Variants in TMPRSS11A observed in about 807,000 individuals in gnomAD.
TMPRSS11A encodes the protein transmembrane protease serine 11A.
A neutral mutation model predicts 58.9 loss-of-function variants in TMPRSS11A; 53 were observed. That is an observed-to-expected ratio of 0.90 (90% confidence interval 0.72 to 1.13). The LOEUF is 1.13. Ranked by LOEUF, TMPRSS11A falls within the 50% of genes most tolerant of loss-of-function variation. The pLI, the probability that TMPRSS11A is intolerant of heterozygous loss-of-function variation, is 0.00. For missense variants in TMPRSS11A, 493 were observed against 499.3 expected, an observed-to-expected ratio of 0.99 and a Z score of 0.12; for synonymous variants, 167 against 169.8, an observed-to-expected ratio of 0.98 and a Z score of 0.13.
In TMPRSS11A at chr4:67,944,511, T is replaced by C. The variant is rs1720953892; in HGVS notation, c.252+8A>G. Reference sequence around the variant, plus strand: ...ATTCTATGATAAAAAGAAGTTTACCTGACTCACCAAATTTTCGGTCGTCTC... The same window carrying C: ...ATTCTATGATAAAAAGAAGTTTACCCGACTCACCAAATTTTCGGTCGTCTC... On this transcript the variant is annotated splice_region_variant and intron_variant, in intron 3 of 9. Coordinates refer to ENST00000508048, the MANE Select transcript of TMPRSS11A (RefSeq NM_001114387.2). The C allele has an allele frequency of 6.2e-7, 1 of 1,606,964 alleles. No homozygotes were observed. The highest frequency in any genetic ancestry group is 1.7e-5 in the Admixed American group (1 of 58,704).
intron 4 of TMPRSS11A, among the ~76,000 whole-genome samples, chr4:67,930,350 C>G (rs1213108227): frequency 6.6e-6 from 1 of 152,152 alleles, no homozygotes; most frequent in East Asian, 1.9e-4. Flanking sequence ...TTAGGCTAAT[C>G]AATTGTATAT....
chr4:67,923,442 G>A lies in TMPRSS11A; in HGVS notation c.521-516C>T, dbSNP rs114972646. ...TTTTGTAAAATCTTTCAAAATTTAG[G>A]CCACAGTGATTTGAAGTGATTTAAT... On this transcript the variant is annotated intron_variant, in intron 6 of 9. Transcript: ENST00000508048. Among the ~76,000 whole-genome samples, 399 of 152,210 alleles carry A rather than the reference G, an allele frequency of 2.6e-3. 2 individuals carry two copies. Among genetic ancestry groups the A allele is most frequent in the African/African-American group, 9.0e-3 (373 of 41,510 alleles).
chr4:67,913,593 C>T (rs927287529), intron 9 of TMPRSS11A, among the ~76,000 whole-genome samples: 1 of 152,184 alleles, frequency 6.6e-6, no homozygotes, highest in Non-Finnish European at 1.5e-5. Context: ...TTCCCCGGTC[C>T]TGTCTGCTCC....
At chr4:67,944,377 G>T in intron 3 of TMPRSS11A, 142 bp downstream of exon 3, 1 of 899,242 alleles carries the variant, frequency 1.1e-6, no homozygotes, top group Non-Finnish European at 1.7e-6. Context: ...TGATTAAGCA[G>T]GTCTGGGATG....
rs1247209078 is a variant in TMPRSS11A at position 67,910,488 on chromosome 4, A to G, written c.*854T>C. 6.6e-6 allele frequency: 1 copy of G among 152,048 alleles called. No homozygotes were observed. The highest frequency in any genetic ancestry group is 2.4e-5 in the African/African-American group (1 of 41,424). 9.4% of individuals were successfully genotyped at this position (152,048 alleles called of 1,614,324 possible). On this transcript the variant is annotated 3_prime_UTR_variant, in exon 10 of 10. Transcript: ENST00000508048. ...TTTAACCCTACAATAATAATGCACAAAATTTCCCCCTTGTGGTCAAAATAT... is the reference window on the plus strand; with the variant it reads ...TTTAACCCTACAATAATAATGCACAGAATTTCCCCCTTGTGGTCAAAATAT...
intron 1 of TMPRSS11A, among the ~76,000 whole-genome samples, chr4:67,949,660 A>G (rs1323211635): frequency 2.0e-5 from 3 of 152,164 alleles, no homozygotes; most frequent in Admixed American, 2.0e-4. Flanking sequence ...GAAGTTCAAG[A>G]CCCTCCTGAC....
At chr4:67,924,101 T>G in intron 6 of TMPRSS11A, 27 bp downstream of exon 6, 2 of 1,600,024 alleles carry the variant, frequency 1.2e-6, no homozygotes, top group Non-Finnish European at 1.7e-6. Context: ...AAAATTGAAC[T>G]TGTTTATATA....
In TMPRSS11A at chr4:67,917,702, C is replaced by T. The variant is rs538962301; in HGVS notation, c.952+1271G>A. Among the ~76,000 whole-genome samples, 7 of 152,182 alleles carry T rather than the reference C, an allele frequency of 4.6e-5. No individual in the cohort carries two copies. The East Asian group carries it at 5.8e-4, about 13-fold the overall frequency. ...TGTCAGATTCTGTTGCCACTCACAG[C>T]GCATTATGACAGGTATGTTTCTGTG... On this transcript the variant is annotated intron_variant, in intron 8 of 9. Coordinates refer to ENST00000508048, the MANE Select transcript of TMPRSS11A (RefSeq NM_001114387.2).
At chr4:67,927,660 A>T (rs1368770335) in intron 5 of TMPRSS11A, among the ~76,000 whole-genome samples, 4 of 152,166 alleles carry the variant, frequency 2.6e-5, no homozygotes, top group Non-Finnish European at 4.4e-5. Flanking sequence ...AAAGGCACCA[A>T]CCACTGGCCA....
chr4:67,930,058 A>G lies in TMPRSS11A; in HGVS notation c.321-18T>C. On this transcript the variant is annotated intron_variant, in intron 4 of 9. Coordinates refer to ENST00000508048, the MANE Select transcript of TMPRSS11A (RefSeq NM_001114387.2). ...CCTCTGGACTGTGACACACAAAAGA[A>G]AGGTACATTTTCAAAGAATACACCT... The G allele has an allele frequency of 6.3e-7, 1 of 1,595,960 alleles. No individual in the cohort carries two copies. The highest frequency in any genetic ancestry group is 1.1e-5 in the South Asian group (1 of 89,040).
In TMPRSS11A at chr4:67,951,998, T is replaced by C. The variant is rs557430746; in HGVS notation, c.12-5427A>G. Among the ~76,000 whole-genome samples, 4 of 152,330 alleles carry C rather than the reference T, an allele frequency of 2.6e-5. No individual in the cohort carries two copies. In the East Asian group the frequency reaches 7.7e-4, roughly 29 times the overall value. ...CTACAAGGAAAGCAACCTTCTGTGG[T>C]GACTTAATATACTCTGATATGTGGA... On this transcript the variant is annotated intron_variant, in intron 1 of 9. Transcript: ENST00000508048.
chr4:67,950,304 G>C (rs1721126286), intron 1 of TMPRSS11A, among the ~76,000 whole-genome samples: 1 of 152,168 alleles, frequency 6.6e-6, no homozygotes, highest in African/African-American at 2.4e-5. Flanking sequence ...CTGGCTGTGA[G>C]TCAGAGGCCT....
intron 5 of TMPRSS11A, 99 bp from the exon 6 acceptor site, chr4:67,924,265 T>A: frequency 1.0e-6 from 1 of 984,788 alleles, no homozygotes; most frequent in South Asian, 1.3e-5. Context: ...ATATGGATTC[T>A]AGACAGTTGA....
chr4:67,932,479 C>A (rs961904311), intron 3 of TMPRSS11A, among the ~76,000 whole-genome samples: 3 of 152,098 alleles, frequency 2.0e-5, no homozygotes, highest in Non-Finnish European at 2.9e-5. Flanking sequence ...TGGATTTGAG[C>A]GTATACTACT....
chr4:67,962,254 T>G (rs1432955324), intron 1 of TMPRSS11A, among the ~76,000 whole-genome samples: 1 of 152,144 alleles, frequency 6.6e-6, no homozygotes, highest in East Asian at 1.9e-4. Flanking sequence ...TTTTTGTCAA[T>G]TACTATGTGA....
chr4:67,950,741 C>T (rs1239483357), intron 1 of TMPRSS11A, among the ~76,000 whole-genome samples: 3 of 152,046 alleles, frequency 2.0e-5, no homozygotes, highest in Non-Finnish European at 2.9e-5. Flanking sequence ...TGAGGGAGAA[C>T]TATTCGATGA....
intron 1 of TMPRSS11A, among the ~76,000 whole-genome samples, chr4:67,947,349 G>A (rs563379020): frequency 5.3e-5 from 8 of 152,072 alleles, no homozygotes; most frequent in Admixed American, 5.2e-4. Context: ...GCACTTGTTT[G>A]TTATGCCTTT....
chr4:67,932,102 T>C, intron 3 of TMPRSS11A, 42 bp from the exon 4 acceptor site: 2 of 1,149,620 alleles, frequency 1.7e-6, no homozygotes, highest in Non-Finnish European at 2.6e-6. Context: ...AATAATATAT[T>C]TTATAATAGG....
chr4:67,925,449 C>G (rs947079443), intron 5 of TMPRSS11A, among the ~76,000 whole-genome samples: 4 of 152,154 alleles, frequency 2.6e-5, no homozygotes, highest in African/African-American at 9.7e-5. Context: ...TCTCAGTATT[C>G]TATTCCTCAT....
Sources: gnomAD v4.1 joint callset for allele counts (sites outside exome capture counted in the v4.1 genomes callset) on GRCh38, gnomAD v4.1.1 for gene constraint, MANE v1.5 for transcripts, NCBI Gene and HGNC (gene_info 2026-07-23, HGNC 2026-07-21) for gene names.